Variants in CFDP1 observed in about 807,000 individuals in gnomAD.
The protein encoded by CFDP1 is chromatin remodeling protein CFDP1.
Under a neutral mutation model 40.1 loss-of-function variants are expected in CFDP1, and 31 were observed. The ratio of observed to expected loss-of-function variants is 0.77; its 90% CI spans 0.58 to 1.04. The LOEUF (loss-of-function observed/expected upper bound fraction) is 1.04, where lower values mean the gene tolerates loss of function less well. Ranked by LOEUF, CFDP1 falls within the 50% of genes least tolerant of loss-of-function variation. CFDP1 has a pLI of 0.00. For missense variants in CFDP1, 423 were observed against 343.4 expected, an observed-to-expected ratio of 1.23 and a Z score of -1.83; for synonymous variants, 167 against 120.0, an observed-to-expected ratio of 1.39 and a Z score of -2.56.
intron 1 of CFDP1, among the ~76,000 whole-genome samples, chr16:75,432,018 T>C (rs964363770): frequency 4.0e-5 from 6 of 151,012 alleles, no homozygotes; most frequent in African/African-American, 1.5e-4. Flanking sequence ...TTCAAGCGAT[T>C]CTCCTGCTCC....
intron 5 of CFDP1, among the ~76,000 whole-genome samples, chr16:75,332,044 A>C (rs1017624522): frequency 5.9e-5 from 9 of 152,154 alleles, no homozygotes; most frequent in African/African-American, 2.2e-4. Flanking sequence ...CTATGATTTT[A>C]ATTTGCATTT....
At chr16:75,354,901 G>C (rs192489570) in intron 5 of CFDP1, among the ~76,000 whole-genome samples, 2 of 152,144 alleles carry the variant, frequency 1.3e-5, no homozygotes, top group African/African-American at 4.8e-5. Context: ...AGAGAAAGCT[G>C]GGTGACACAT....
At chr16:75,352,214 G>A (rs2078617770) in intron 5 of CFDP1, among the ~76,000 whole-genome samples, 1 of 151,748 alleles carries the variant, frequency 6.6e-6, no homozygotes, top group African/African-American at 2.4e-5. Context: ...GGTGGTGCGT[G>A]CCTGTAGTCC....
At chr16:75,313,802 C>G (rs2078309063) in intron 5 of CFDP1, among the ~76,000 whole-genome samples, 1 of 150,296 alleles carries the variant, frequency 6.7e-6, no homozygotes, top group East Asian at 1.9e-4. Flanking sequence ...TAGAGAATCT[C>G]AAGTTGAAAG....
chr16:75,404,520 C>T (rs8064173), intron 4 of CFDP1, among the ~76,000 whole-genome samples: 18 of 152,194 alleles, frequency 1.2e-4, no homozygotes, highest in African/African-American at 3.9e-4. Context: ...CGCGCCCGGC[C>T]GCAAAGGTAC....
chr16:75,366,930 A>G (rs534881215), intron 5 of CFDP1, among the ~76,000 whole-genome samples: 2 of 152,128 alleles, frequency 1.3e-5, no homozygotes, highest in South Asian at 2.1e-4. Flanking sequence ...TTGGGAGGCC[A>G]AGGTGGGTGG....
At chr16:75,352,298 G>A (rs1279829591) in intron 5 of CFDP1, among the ~76,000 whole-genome samples, 1 of 151,816 alleles carries the variant, frequency 6.6e-6, no homozygotes, top group African/African-American at 2.4e-5. Context: ...TCGAGATCAC[G>A]CCACAGCACT....
At chr16:75,308,731 C>G (rs528041422) in intron 5 of CFDP1, among the ~76,000 whole-genome samples, 1 of 152,320 alleles carries the variant, frequency 6.6e-6, no homozygotes, top group Non-Finnish European at 1.5e-5. Flanking sequence ...ATTTGGGCAG[C>G]ACCACAAGCT....
In CFDP1 at chr16:75,294,423, A is replaced by T. The variant is rs150908502; in HGVS notation, c.810-381T>A. ...GAGCCTCACTTTTCTCTACAGCAGCATGGTGATGCTGTTTTTCTTGGCTTT... is the reference window on the plus strand; with the variant it reads ...GAGCCTCACTTTTCTCTACAGCAGCTTGGTGATGCTGTTTTTCTTGGCTTT... On this transcript the variant is annotated intron_variant, in intron 6 of 6. Coordinates refer to ENST00000283882, the MANE Select transcript of CFDP1 (RefSeq NM_006324.3). 1.4e-3 allele frequency among the ~76,000 whole-genome samples: 214 copies of T among 152,306 alleles called. 2 individuals are homozygous for T. Among genetic ancestry groups the T allele is most frequent in the African/African-American group, 4.9e-3 (203 of 41,568 alleles).
At chr16:75,354,214 G>A (rs1280572332) in intron 5 of CFDP1, among the ~76,000 whole-genome samples, 1 of 152,222 alleles carries the variant, frequency 6.6e-6, no homozygotes, top group East Asian at 1.9e-4. Context: ...TGTTTGGTAG[G>A]TTGGGTGAAT....
At chr16:75,399,158 G>C (rs1424357378) in intron 4 of CFDP1, among the ~76,000 whole-genome samples, 1 of 151,764 alleles carries the variant, frequency 6.6e-6, no homozygotes, top group Non-Finnish European at 1.5e-5. Context: ...GAACTGCCTA[G>C]CTGAGCCCAG....
chr16:75,346,524 A>C (rs1386264094), intron 5 of CFDP1, among the ~76,000 whole-genome samples: 2 of 138,318 alleles, frequency 1.4e-5, no homozygotes, highest in East Asian at 2.3e-4. Flanking sequence ...CGGAGCTTGC[A>C]GTGAGCCGTG....
At chr16:75,318,406 TTC>T (rs1292049711) in intron 5 of CFDP1, among the ~76,000 whole-genome samples, 17 of 111,786 alleles carry the variant, frequency 1.5e-4, no homozygotes, top group Admixed American at 4.6e-4. Flanking sequence ...CTTTCTTTCT[TTC>T]TTTTTTTTTT....
chr16:75,397,146 C>T (rs2079001394), intron 4 of CFDP1, among the ~76,000 whole-genome samples: 1 of 151,682 alleles, frequency 6.6e-6, no homozygotes, highest in Admixed American at 6.6e-5. Context: ...GATCTCCTGA[C>T]CTTGTGATCT....
At position 75,395,213 on chromosome 16, in the gene CFDP1, T is replaced by A; in HGVS notation, c.531-4A>T. 1 of 1,612,452 alleles carries A rather than the reference T, an allele frequency of 6.2e-7. No homozygotes were observed. Among genetic ancestry groups the A allele is most frequent in the Non-Finnish European group, 8.5e-7 (1 of 1,179,212 alleles). On this transcript the variant is annotated splice_region_variant and splice_polypyrimidine_tract_variant and intron_variant, in intron 4 of 6. Transcript: ENST00000283882. ...AGCATCCACTTCCTTAGTTACCCTGTGCCAAGGAAAAAGACATCAAGCTTA... is the reference window on the plus strand; with the variant it reads ...AGCATCCACTTCCTTAGTTACCCTGAGCCAAGGAAAAAGACATCAAGCTTA...
intron 5 of CFDP1, among the ~76,000 whole-genome samples, chr16:75,384,088 C>T (rs967319565): frequency 5.3e-5 from 8 of 152,218 alleles, no homozygotes; most frequent in Non-Finnish European, 7.4e-5. Flanking sequence ...TTTGGCTGGG[C>T]GCAGTGGCTC....
chr16:75,302,921 C>T (rs751689652), intron 6 of CFDP1, among the ~76,000 whole-genome samples: 1 of 152,022 alleles, frequency 6.6e-6, no homozygotes, highest in African/African-American at 2.4e-5. Flanking sequence ...TAGGGCTGGG[C>T]GTGGTGGCTC....
chr16:75,366,753 A>G (rs959399932), intron 5 of CFDP1, among the ~76,000 whole-genome samples: 13 of 152,234 alleles, frequency 8.5e-5, no homozygotes, highest in Admixed American at 8.5e-4. Context: ...GAGGGCTCCC[A>G]TCTTCTGGGG....
At chr16:75,405,797 C>T (rs2079092690) in intron 4 of CFDP1, among the ~76,000 whole-genome samples, 1 of 148,234 alleles carries the variant, frequency 6.7e-6, no homozygotes, top group African/African-American at 2.5e-5. Context: ...TATGCACCTG[C>T]AGTCCTAGCT....
Sources: allele counts gnomAD v4.1 joint callset (sites outside exome capture counted in the v4.1 genomes callset), GRCh38; gene constraint gnomAD v4.1.1; transcripts MANE v1.5; gene names NCBI Gene and HGNC (gene_info 2026-07-23, HGNC 2026-07-21).